GOLGA2: variants seen among roughly 807,000 people sequenced by gnomAD.
The protein encoded by GOLGA2 is golgin subfamily A member 2.
GOLGA2 carries 49 observed loss-of-function variants against 148.8 expected under a neutral mutation model. The ratio of observed to expected loss-of-function variants is 0.33; its 90% CI spans 0.26 to 0.42. The LOEUF (loss-of-function observed/expected upper bound fraction) is 0.42, where lower values mean the gene tolerates loss of function less well. Ranked by LOEUF, GOLGA2 falls within the 10% of genes least tolerant of loss-of-function variation. The probability of loss-of-function intolerance (pLI) is 1.00; values close to 1 mark genes in which losing one functional copy is unlikely to be tolerated. For synonymous variants in GOLGA2, 501 were observed against 511.8 expected, an observed-to-expected ratio of 0.98 and a Z score of 0.28; for missense variants, 1,178 against 1,304.6, an observed-to-expected ratio of 0.90 and a Z score of 1.49.
chr9:128,275,219 C>A (rs1466732312), intron 1 of GOLGA2, among the ~76,000 whole-genome samples: 1 of 152,204 alleles, frequency 6.6e-6, no homozygotes, highest in Non-Finnish European at 1.5e-5. Flanking sequence ...AGTCCCCAAT[C>A]CCCTTCCAGC....
At chr9:128,259,496 C>T in intron 19 of GOLGA2, 105 bp from the exon 20 acceptor site, 1 of 704,168 alleles carries the variant, frequency 1.4e-6, no homozygotes, top group South Asian at 1.9e-5. Flanking sequence ...ACCTCTGGCC[C>T]CTTGCTCCAG....
intron 1 of GOLGA2, 55 bp downstream of exon 1, chr9:128,275,838 G>A: frequency 1.1e-6 from 1 of 917,266 alleles, no homozygotes; most frequent in Non-Finnish European, 1.7e-6. Flanking sequence ...CCATGGTCCT[G>A]CCATCGGAGT....
rs764878460 is a variant in GOLGA2, at chr9:128,260,755, G to C, written c.1468C>G (p.Gln490Glu). The C allele has an allele frequency of 6.2e-7, 1 of 1,612,468 alleles. No individual in the cohort carries two copies. Among genetic ancestry groups the C allele is most frequent in the African/African-American group, 1.3e-5 (1 of 74,896 alleles). ...EPPAGPSEVE[Q>E]QLQAEAEHLR... is the part of the protein sequence containing the mutation. ...TGCTCAGCCTCCGCTTGTAGCTGCT[G>C]CTCCACCTCGGAGGGCCCTGCTGGG... Residue 490 changes from glutamine to glutamate, a missense_variant, in exon 18 of 27, where the codon CAG (glutamine) becomes GAG (glutamate). By Grantham distance (29) the Gln-to-Glu change is conservative. Coordinates refer to ENST00000611957, the MANE Select transcript of GOLGA2 (RefSeq NM_001366244.2). The surrounding 1 kb of genome is among the most constrained non-coding windows in gnomAD (Gnocchi z 4.8).
chr9:128,264,603 T>A (rs1830485306), intron 12 of GOLGA2, among the ~76,000 whole-genome samples: 1 of 151,940 alleles, frequency 6.6e-6, no homozygotes, highest in African/African-American at 2.4e-5. Flanking sequence ...ATTTTTTGCA[T>A]TTTTAGTAGA....
chr9:128,260,032 G>C lies in GOLGA2; in HGVS notation c.1872+44C>G. ...GGCCTCACACCACCCCTCCCCAGAG[G>C]CTGGTGCCCGCCTCCCAGCCCTTCT... On this transcript the variant is annotated intron_variant, in intron 19 of 26. Transcript: ENST00000611957. The surrounding 1 kb of genome is among the most constrained non-coding windows in gnomAD (Gnocchi z 4.8). The C allele has an allele frequency of 7.2e-7, 1 of 1,386,236 alleles. No homozygotes were observed. Among genetic ancestry groups the C allele is most frequent in the Non-Finnish European group, 1.0e-6 (1 of 982,584 alleles). 85.9% of individuals were successfully genotyped at this position (1,386,236 alleles called of 1,614,324 possible).
chr9:128,265,547 C>T, intron 12 of GOLGA2, 38 bp downstream of exon 12: 1 of 1,426,120 alleles, frequency 7.0e-7, no homozygotes, highest in Non-Finnish European at 9.9e-7. Flanking sequence ...ATCTGGGAAG[C>T]CAGTATGCCA....
At position 128,260,473 on chromosome 9, in the gene GOLGA2, C is replaced by T; in HGVS notation, c.1750G>A (p.Val584Ile). The T allele has an allele frequency of 2.5e-6, 4 of 1,609,122 alleles. No individual in the cohort carries two copies. The highest frequency in any genetic ancestry group is 3.4e-6 in the Non-Finnish European group (4 of 1,176,730). Residue 584 changes from valine (V) to isoleucine (I), a missense_variant, in exon 18 of 27, where the codon GTA becomes ATA. This residue lies in a region of GOLGA2 where 529 missense variants were observed against 521.8 expected (regional missense o/e 1.01). Coordinates refer to ENST00000611957, the MANE Select transcript of GOLGA2 (RefSeq NM_001366244.2). The surrounding 1 kb of genome is among the most constrained non-coding windows in gnomAD (Gnocchi z 4.8). ...EQLAELQSGF[V>I]KLTNENMEIT... ...CAGGTGGGGCAGCGCACCAGCTTTA[C>T]AAATCCGCTCTGCAGCTCAGCCAGC...
chr9:128,264,490 C>T (rs950121451), intron 12 of GOLGA2, among the ~76,000 whole-genome samples: 1 of 151,988 alleles, frequency 6.6e-6, no homozygotes, highest in Non-Finnish European at 1.5e-5. Context: ...GGCAGTGGCA[C>T]GATCTCAGCT....
At position 128,257,034 on chromosome 9, in the gene GOLGA2, A is replaced by C. The variant is rs1829908916; in HGVS notation, c.*33T>G. 2 of 1,526,522 alleles carry C rather than the reference A, an allele frequency of 1.3e-6. No individual in the cohort carries two copies. Among genetic ancestry groups the C allele is most frequent in the Non-Finnish European group, 1.8e-6 (2 of 1,106,338 alleles). 94.6% of individuals were successfully genotyped at this position (1,526,522 alleles called of 1,614,324 possible). On this transcript the variant is annotated 3_prime_UTR_variant, in exon 27 of 27. Transcript: ENST00000611957. This position sits in a 1 kb window ranked among gnomAD's most constrained non-coding sequence, Gnocchi z 8.0. Reference sequence around the variant, plus strand: ...TGGTGGGGGCAGGGTATCCAGCCCCACTTCTTCAGGCTTTGCTGACAGTAG... The same window carrying C: ...TGGTGGGGGCAGGGTATCCAGCCCCCCTTCTTCAGGCTTTGCTGACAGTAG...
chr9:128,257,174 G>C lies in GOLGA2; in HGVS notation c.2983C>G (p.Arg995Gly). 6.2e-7 allele frequency: 1 copy of C among 1,613,946 alleles called. No individual in the cohort carries two copies. Among genetic ancestry groups the C allele is most frequent in the Non-Finnish European group, 8.5e-7 (1 of 1,179,840 alleles). Residue 995 changes from arginine (R) to glycine (G), a missense_variant, in exon 27 of 27, where the codon CGT becomes GGT. Arg to Gly is a moderately radical substitution (Grantham distance 125). Coordinates refer to ENST00000611957, the MANE Select transcript of GOLGA2 (RefSeq NM_001366244.2). This position sits in a 1 kb window ranked among gnomAD's most constrained non-coding sequence, Gnocchi z 8.0. Reference protein sequence around the residue: ...PTAQQIMQLLREMQNPRERPG... With the variant: ...PTAQQIMQLLGEMQNPRERPG... ...CGCTCCCGGGGGTTCTGCATCTCAC[G>C]AAGCAGCTGCATGATCTGCTGTGCA...
intron 12 of GOLGA2, 134 bp downstream of exon 12, chr9:128,265,451 C>A (rs1315314407): frequency 2.5e-5 from 19 of 768,220 alleles, no homozygotes; most frequent in Non-Finnish European, 4.4e-5. Flanking sequence ...CTAGCAACCA[C>A]ACACAAAAGC....
At position 128,267,976 on chromosome 9, in the gene GOLGA2, G is replaced by C; in HGVS notation, c.459C>G (p.Ser153Arg). Residue 153 changes from serine to arginine, a missense_variant, in exon 6 of 27, where the codon AGC (serine) becomes AGG (arginine). Around this residue, in one of 5 missense-constraint regions of GOLGA2, gnomAD observed 304 missense variants for 404.1 expected, o/e 0.75. Transcript: ENST00000611957. The part of the protein sequence containing the change: ...DETKTFSSTE[S>R]LRQLSQQLNG... ...TGAGCTGTTGGGAGAGTTGTCGCAG[G>C]CTCTCGGTTGATGAGAAAGTCCTAG... 6.2e-7 allele frequency: 1 copy of C among 1,613,974 alleles called. No homozygotes were observed. The highest frequency in any genetic ancestry group is 8.5e-7 in the Non-Finnish European group (1 of 1,179,892).
chr9:128,273,318 T>A (rs938886706), intron 2 of GOLGA2, among the ~76,000 whole-genome samples: 13 of 152,212 alleles, frequency 8.5e-5, no homozygotes, highest in Non-Finnish European at 1.9e-4. Flanking sequence ...AGGAGGAAAC[T>A]GAGGCCCAGG....
Position 128,256,171 on chromosome 9 carries a change from GC to G in GOLGA2, c.*895del, listed in dbSNP as rs927492017. 2 of 152,630 alleles carry G rather than the reference GC, an allele frequency of 1.3e-5. No homozygotes were observed. The highest frequency in any genetic ancestry group is 2.9e-5 in the Non-Finnish European group (2 of 68,068). The allele number at this position is 152,630 out of a possible 1,614,324, so 9.5% of individuals were successfully genotyped here. A position where few individuals can be genotyped will look rare whatever the true frequency, so the allele number is the denominator to read the frequency against. ...TGCCTCTCTGTGTAAGAAGATGGGA[GC>G]CCCCCTGAGGGAAAAATTGCTTTGG... On this transcript the variant is annotated 3_prime_UTR_variant, in exon 27 of 27. Transcript: ENST00000611957.
At chr9:128,267,896 T>TG in intron 6 of GOLGA2, 38 bp downstream of exon 6, 1 of 1,488,578 alleles carries the variant, frequency 6.7e-7, no homozygotes. Flanking sequence ...ATAGTTCCCT[T>TG]CCCCCCACCC....
In GOLGA2 at chr9:128,260,096, G is replaced by T. The variant is rs1171139183; in HGVS notation, c.1852C>A (p.Leu618Met). The T allele has an allele frequency of 6.2e-7, 1 of 1,609,950 alleles. No individual in the cohort carries two copies. Among genetic ancestry groups the T allele is most frequent in the Non-Finnish European group, 8.5e-7 (1 of 1,179,182 alleles). The change falls in exon 19 of 27, where the codon CTG (leucine) becomes ATG (methionine). Residue 618 changes from leucine to methionine, a missense_variant. Transcript: ENST00000611957. This position sits in a 1 kb window ranked among gnomAD's most constrained non-coding sequence, Gnocchi z 4.8. ...GKKLGELQEKLSELKETVELK... is the reference protein window; with the variant it reads ...GKKLGELQEKMSELKETVELK... Reference sequence around the variant, plus strand: ...GTTACCGTTTCCTTCAGCTCGCTCAGCTTCTCCTGCAGCTCGCCCAGCTTC... The same window carrying T: ...GTTACCGTTTCCTTCAGCTCGCTCATCTTCTCCTGCAGCTCGCCCAGCTTC...
Position 128,258,820 on chromosome 9 carries a change from C to T in GOLGA2, c.2173+187G>A, listed in dbSNP as rs1046849121. 1.6e-6 allele frequency: 1 copy of T among 625,630 alleles called. No individual in the cohort carries two copies. The allele number at this position is 625,630 out of a possible 1,614,324, so 38.8% of individuals were successfully genotyped here. A position where few individuals can be genotyped will look rare whatever the true frequency, so the allele number is the denominator to read the frequency against. On this transcript the variant is annotated intron_variant, in intron 21 of 26. Coordinates refer to ENST00000611957, the MANE Select transcript of GOLGA2 (RefSeq NM_001366244.2). This position sits in a 1 kb window ranked among gnomAD's most constrained non-coding sequence, Gnocchi z 6.6. ...TCTGACCTGGGCCAGTTCACCCATC[C>T]TTAGGTAAGCTGGTAGTGCCCTGCT... is the stretch of plus-strand genomic sequence containing the variant.
intron 3 of GOLGA2, among the ~76,000 whole-genome samples, chr9:128,269,010 C>G (rs1462235534): frequency 6.6e-6 from 1 of 152,212 alleles, no homozygotes; most frequent in Non-Finnish European, 1.5e-5. Context: ...CTTCCCTTCT[C>G]CCCTGCAGTG....
intron 1 of GOLGA2, among the ~76,000 whole-genome samples, chr9:128,275,184 G>A (rs992019089): frequency 6.6e-6 from 1 of 152,178 alleles, no homozygotes; most frequent in East Asian, 1.9e-4. Context: ...AAGGCAGCCT[G>A]AAACCTCTCC....
Sources: gnomAD v4.1 joint callset for allele counts (sites outside exome capture counted in the v4.1 genomes callset) on GRCh38, gnomAD v4.1.1 for gene constraint, gnomAD v4.1.1 regional missense constraint, Gnocchi (gnomAD v3.1) non-coding constraint, MANE v1.5 for transcripts, NCBI Gene and HGNC (gene_info 2026-07-23, HGNC 2026-07-21) for gene names.